Variants in DNM1 observed in about 807,000 individuals in gnomAD.
DNM1 encodes dynamin-1.
A neutral mutation model predicts 104.6 loss-of-function variants in DNM1; 29 were observed. That is an observed-to-expected ratio of 0.28 (90% CI 0.21 to 0.38). The LOEUF (loss-of-function observed/expected upper bound fraction) is 0.38. DNM1 is among the 10% of genes least tolerant of loss of function. DNM1 has a pLI of 1.00. For missense variants in DNM1, 640 were observed against 1,189.4 expected, an observed-to-expected ratio of 0.54 and a Z score of 6.79; for synonymous variants, 445 against 475.8, an observed-to-expected ratio of 0.94 and a Z score of 0.84.
At chr9:128,242,764 A>C (rs1045824134) in intron 15 of DNM1, among the ~76,000 whole-genome samples, 1 of 152,174 alleles carries the variant, frequency 6.6e-6, no homozygotes, top group African/African-American at 2.4e-5. Flanking sequence ...CATCTCAAAA[A>C]AAAAGGATCC....
At chr9:128,213,888 C>A (rs1056507588) in intron 1 of DNM1, among the ~76,000 whole-genome samples, 3 of 152,148 alleles carry the variant, frequency 2.0e-5, no homozygotes, top group Non-Finnish European at 4.4e-5. Context: ...GTTCAGACCT[C>A]AGCTTGAAAT....
At position 128,203,766 on chromosome 9, in the gene DNM1, C is replaced by T; in HGVS notation, c.161+135C>T. ...CGGCCGGCGCGCCCCCCACCCCCAG[C>T]CGGAGCGAGGAGGCCCTCCCCCCAC... On this transcript the variant is annotated intron_variant, in intron 1 of 21. Coordinates refer to ENST00000372923, the MANE Select transcript of DNM1 (RefSeq NM_004408.4). This position sits in a 1 kb window ranked among gnomAD's most constrained non-coding sequence, Gnocchi z 5.3. The T allele has an allele frequency of 1.2e-6, 1 of 815,182 alleles. No individual in the cohort carries two copies. The highest frequency in any genetic ancestry group is 1.6e-6 in the Non-Finnish European group (1 of 614,176). The allele number at this position is 815,182 out of a possible 1,614,324, so 50.5% of individuals were successfully genotyped here. A position where few individuals can be genotyped will look rare whatever the true frequency, so the allele number is the denominator to read the frequency against.
At position 128,247,632 on chromosome 9, in the gene DNM1, G is replaced by T. The variant is rs1000155628; in HGVS notation, c.1893+146G>T. 1.1e-5 allele frequency: 8 copies of T among 744,182 alleles called. No individual in the cohort carries two copies. Among genetic ancestry groups the T allele is most frequent in the Non-Finnish European group, 1.8e-5 (8 of 451,930 alleles). 46.1% of individuals were successfully genotyped at this position (744,182 alleles called of 1,614,324 possible). The stretch of plus-strand genomic sequence containing the variant: ...AATCCTCCCCCCTACCCACTCTGGG[G>T]GTGGGAACAGAGATAAGTCTCCTGG... On this transcript the variant is annotated intron_variant, in intron 17 of 21. Coordinates refer to ENST00000372923, the MANE Select transcript of DNM1 (RefSeq NM_004408.4). The surrounding 1 kb of genome is among the most constrained non-coding windows in gnomAD (Gnocchi z 5.1).
chr9:128,254,462 C>T lies in DNM1; in HGVS notation c.2535-192C>T, dbSNP rs1829725255. The stretch of plus-strand genomic sequence containing the variant: ...ATCTGTGAAGCTACGGCTCCTCCCT[C>T]CATCTTCCTCCCCTTTCCCTTCCAG... On this transcript the variant is annotated intron_variant, in intron 21 of 21. Coordinates refer to ENST00000372923, the MANE Select transcript of DNM1 (RefSeq NM_004408.4). This position sits in a 1 kb window ranked among gnomAD's most constrained non-coding sequence, Gnocchi z 6.1. The T allele has an allele frequency of 6.7e-7, 1 of 1,488,568 alleles. No homozygotes were observed. Among genetic ancestry groups the T allele is most frequent in the Non-Finnish European group, 8.9e-7 (1 of 1,127,538 alleles). 92.2% of individuals were successfully genotyped at this position (1,488,568 alleles called of 1,614,324 possible). A position where few individuals can be genotyped will look rare whatever the true frequency, so the allele number is the denominator to read the frequency against.
Position 128,222,480 on chromosome 9 carries a change from G to C in DNM1, c.1012G>C (p.Val338Leu). 1.2e-6 allele frequency: 2 copies of C among 1,614,144 alleles called. No individual in the cohort carries two copies. The highest frequency in any genetic ancestry group is 1.7e-6 in the Non-Finnish European group (2 of 1,180,026). ...CACCAGGATGGTCCAGCAGTTCGCCGTAGACTTTGAGAAGCGCATTGAGGG... is the reference window on the plus strand; with the variant it reads ...CACCAGGATGGTCCAGCAGTTCGCCCTAGACTTTGAGAAGCGCATTGAGGG... ...ALLQMVQQFA[V>L]DFEKRIEGSG... The change falls in exon 8 of 22, where the codon GTA (valine) becomes CTA (leucine). Residue 338 changes from valine to leucine, a missense_variant. This residue lies in a region of DNM1 where 38 missense variants were observed against 113.5 expected (regional missense o/e 0.33). Coordinates refer to ENST00000372923, the MANE Select transcript of DNM1 (RefSeq NM_004408.4). The surrounding 1 kb of genome is among the most constrained non-coding windows in gnomAD (Gnocchi z 7.8).
In DNM1 at chr9:128,221,427, A is replaced by T. The variant is rs1835015294; in HGVS notation, c.850-770A>T. On this transcript the variant is annotated intron_variant, in intron 6 of 21. Coordinates refer to ENST00000372923, the MANE Select transcript of DNM1 (RefSeq NM_004408.4). ...CTATTTCTGCATCTGTAAAATGGAG[A>T]CAATGGTGATCAGACCTGTTTCATA... Among the ~76,000 whole-genome samples, 2 of 152,078 alleles carry T rather than the reference A, an allele frequency of 1.3e-5. 1 individual carries two copies. The highest frequency in any genetic ancestry group is 4.1e-4 in the South Asian group (2 of 4,828).
chr9:128,247,812 G>A lies in DNM1; in HGVS notation c.1894-112G>A. ...GATGTCTAGAGTAGCCTGAGAGTTG[G>A]GGTGCAGTATCCCAGGTTCACTCAA... is the stretch of plus-strand genomic sequence containing the variant. On this transcript the variant is annotated intron_variant, in intron 17 of 21. Coordinates refer to ENST00000372923, the MANE Select transcript of DNM1 (RefSeq NM_004408.4). This position sits in a 1 kb window ranked among gnomAD's most constrained non-coding sequence, Gnocchi z 5.1. 3 of 1,391,914 alleles carry A rather than the reference G, an allele frequency of 2.2e-6. No individual in the cohort carries two copies. The highest frequency in any genetic ancestry group is 3.0e-6 in the Non-Finnish European group (3 of 1,009,318). 86.2% of individuals were successfully genotyped at this position (1,391,914 alleles called of 1,614,324 possible). A position where few individuals can be genotyped will look rare whatever the true frequency, so the allele number is the denominator to read the frequency against.
rs1475134822 is a variant in DNM1 at position 128,254,773 on chromosome 9, G to A, written c.*59G>A. On this transcript the variant is annotated 3_prime_UTR_variant, in exon 22 of 22. Coordinates refer to ENST00000372923, the MANE Select transcript of DNM1 (RefSeq NM_004408.4). This position sits in a 1 kb window ranked among gnomAD's most constrained non-coding sequence, Gnocchi z 6.1. The stretch of plus-strand genomic sequence containing the variant: ...CCAAGCCTGCCTGGACGGCTGTTCT[G>A]TGACTTGACAGTGGCTCCCCCAGCC... 1.3e-6 allele frequency: 2 copies of A among 1,486,118 alleles called. No homozygotes were observed. The highest frequency in any genetic ancestry group is 1.1e-5 in the South Asian group (1 of 88,500). The allele number at this position is 1,486,118 out of a possible 1,614,324, so 92.1% of individuals were successfully genotyped here.
At chr9:128,228,850 G>GCGCA (rs1431682238) in intron 10 of DNM1, among the ~76,000 whole-genome samples, 22 of 152,044 alleles carry the variant, frequency 1.4e-4, no homozygotes, top group African/African-American at 5.1e-4. Context: ...GGGCATGGTG[G>GCGCA]CACGTGCCTG....
intron 11 of DNM1, among the ~76,000 whole-genome samples, chr9:128,234,431 C>T (rs1443848580): frequency 6.6e-6 from 1 of 152,230 alleles, no homozygotes; most frequent in African/African-American, 2.4e-5. Context: ...GGTGTGATCT[C>T]TCAGCTCACT....
chr9:128,220,721 A>C lies in DNM1; in HGVS notation c.849+380A>C. 1.1e-5 allele frequency among the ~76,000 whole-genome samples: 1 copy of C among 88,300 alleles called. No homozygotes were observed. The highest frequency in any genetic ancestry group is 1.3e-4 in the Admixed American group (1 of 7,750). The allele number at this position is 88,300 out of a possible 152,430, so 57.9% of individuals were successfully genotyped here. A position where few individuals can be genotyped will look rare whatever the true frequency, so the allele number is the denominator to read the frequency against. On this transcript the variant is annotated intron_variant, in intron 6 of 21. Coordinates refer to ENST00000372923, the MANE Select transcript of DNM1 (RefSeq NM_004408.4). This position sits in a 1 kb window ranked among gnomAD's most constrained non-coding sequence, Gnocchi z 5.2. ...CTCCATCTGGAATGGGGCATCCAGA[A>C]CTGAAGTGCGCGCGCGCGCGCGTGT... is the stretch of plus-strand genomic sequence containing the variant.
chr9:128,229,311 C>T (rs1835527654), intron 10 of DNM1, among the ~76,000 whole-genome samples: 1 of 151,086 alleles, frequency 6.6e-6, no homozygotes, highest in Non-Finnish European at 1.5e-5. Context: ...AGAAGGATGG[C>T]TTGAACCAAG....
chr9:128,229,600 C>CAAAAAAAAAAAA (rs56072236), intron 10 of DNM1, among the ~76,000 whole-genome samples: 3 of 66,674 alleles, frequency 4.5e-5, no homozygotes, highest in East Asian at 5.0e-4. Flanking sequence ...AAAACCTTAT[C>CAAAAAAAAAAAA]AAAAAAAAAA....
Position 128,253,043 on chromosome 9 carries a change from C to G in DNM1, c.2535-1611C>G. 6.3e-7 allele frequency: 1 copy of G among 1,590,398 alleles called. No individual in the cohort carries two copies. The highest frequency in any genetic ancestry group is 8.6e-7 in the Non-Finnish European group (1 of 1,161,852). On this transcript the variant is annotated intron_variant, in intron 21 of 21. Coordinates refer to ENST00000372923, the MANE Select transcript of DNM1 (RefSeq NM_004408.4). This position sits in a 1 kb window ranked among gnomAD's most constrained non-coding sequence, Gnocchi z 5.9. ...GTGTGCGTGTGTGTGTCCCCCACCC[C>G]CAGGCCGGCCCCACCCGTGCGTGTG... is the stretch of plus-strand genomic sequence containing the variant.
At chr9:128,215,285 A>G (rs1834537066) in intron 1 of DNM1, among the ~76,000 whole-genome samples, 1 of 152,242 alleles carries the variant, frequency 6.6e-6, no homozygotes, top group South Asian at 2.1e-4. Flanking sequence ...CTTAACACGG[A>G]GTGTGGAAAC....
In DNM1 at chr9:128,247,402, G is replaced by A; in HGVS notation, c.1809G>A (p.Leu603=). ...QRNVYKDYRQ[L]ELACETQEEV... ...ATGTCTACAAGGATTATCGGCAGCTGGAGCTAGCCTGTGAGACACAGGAGG... is the reference window on the plus strand; with the variant it reads ...ATGTCTACAAGGATTATCGGCAGCTAGAGCTAGCCTGTGAGACACAGGAGG... Residue 603 remains leucine (L), a synonymous_variant, in exon 17 of 22, where the codon CTG becomes CTA. Transcript: ENST00000372923. This position sits in a 1 kb window ranked among gnomAD's most constrained non-coding sequence, Gnocchi z 5.1. 4 of 1,613,068 alleles carry A rather than the reference G, an allele frequency of 2.5e-6. No homozygotes were observed. Among genetic ancestry groups the A allele is most frequent in the East Asian group, 4.5e-5 (2 of 44,860 alleles).
Position 128,226,268 on chromosome 9 carries a change from G to A in DNM1, c.1335+1879G>A, listed in dbSNP as rs549428654. On this transcript the variant is annotated intron_variant, in intron 10 of 21. Transcript: ENST00000372923. ...GAAGGATCTGCTGAGCCGGCCTCAC[G>A]GCTACCCGCAGGGACCCAGCCCTAG... The A allele has an allele frequency of 1.4e-5, 21 of 1,546,236 alleles. No individual in the cohort carries two copies. In the East Asian group the frequency reaches 1.6e-4, roughly 12 times the overall value.
chr9:128,248,447 A>C lies in DNM1; in HGVS notation c.1906-136A>C. 1 of 940,224 alleles carries C rather than the reference A, an allele frequency of 1.1e-6. No homozygotes were observed. The highest frequency in any genetic ancestry group is 1.6e-6 in the Non-Finnish European group (1 of 641,750). The allele number at this position is 940,224 out of a possible 1,614,324, so 58.2% of individuals were successfully genotyped here. ...CTGAGAGGCACAGGGATGCGGAGCC[A>C]GGTATGTATTCAGGCCAGTCGCTTC... On this transcript the variant is annotated intron_variant, in intron 18 of 21. Coordinates refer to ENST00000372923, the MANE Select transcript of DNM1 (RefSeq NM_004408.4). The surrounding 1 kb of genome is among the most constrained non-coding windows in gnomAD (Gnocchi z 5.6).
chr9:128,233,699 T>A, intron 10 of DNM1: 1 of 408,210 alleles, frequency 2.4e-6, no homozygotes, highest in Non-Finnish European at 4.5e-6. Flanking sequence ...ACCTAACCAG[T>A]CTGCGGGGCA....
Sources: allele counts gnomAD v4.1 joint callset (sites outside exome capture counted in the v4.1 genomes callset), GRCh38; gene constraint gnomAD v4.1.1; regional missense constraint gnomAD v4.1.1; non-coding constraint Gnocchi (gnomAD v3.1); transcripts MANE v1.5; gene names NCBI Gene and HGNC (gene_info 2026-07-23, HGNC 2026-07-21).